The following FBXO47 variants were observed in gnomAD, a reference collection of about 807,000 sequenced individuals.
FBXO47 encodes F-box only protein 47.
FBXO47 carries 34 observed loss-of-function variants against 53.9 expected under a neutral mutation model. The ratio of observed to expected loss-of-function variants is 0.63; its 90% CI spans 0.48 to 0.84. The LOEUF is 0.84. Ranked by LOEUF, FBXO47 falls within the 40% of genes least tolerant of loss-of-function variation. FBXO47 has a pLI of 0.00. For missense variants in FBXO47, 485 were observed against 541.3 expected (o/e 0.90, Z 1.03); for synonymous variants, 165 against 181.6 (o/e 0.91, Z 0.73).
chr17:38,946,917 CATATATAAACATATAAAT>C (rs1199149410), intron 6 of FBXO47, among the ~76,000 whole-genome samples: 9 of 101,770 alleles, frequency 8.8e-5, no homozygotes, highest in East Asian at 2.7e-4. Context: ...TATATATAAA[CATATATAAACATATAAAT>C]ATATATAAAC....
At chr17:38,944,091 A>G (rs1377774383) in intron 7 of FBXO47, among the ~76,000 whole-genome samples, 3 of 151,978 alleles carry the variant, frequency 2.0e-5, no homozygotes, top group Non-Finnish European at 2.9e-5. Flanking sequence ...CTGAGGCACG[A>G]GAATCGCTTG....
intron 3 of FBXO47, among the ~76,000 whole-genome samples, chr17:38,958,354 T>C (rs1343031807): frequency 6.6e-6 from 1 of 152,114 alleles, no homozygotes. Context: ...AGATTTTTTT[T>C]TTCCCCACAG....
Position 38,956,544 on chromosome 17 carries a change from T to C in FBXO47, c.429+633A>G, listed in dbSNP as rs1598147194. ...TGGAGGTTGCAGTGAGCCAAGATCA[T>C]GCTGCTGCACTCCAGCCTGGGTGAC... On this transcript the variant is annotated intron_variant, in intron 4 of 10. Transcript: ENST00000378079. Among the ~76,000 whole-genome samples the C allele has an allele frequency of 4.7e-5, 7 of 149,048 alleles. No homozygotes were observed. In the South Asian group the frequency reaches 1.5e-3, roughly 32 times the overall value.
chr17:38,946,121 AAT>A lies in FBXO47; in HGVS notation c.617-987_617-986del, dbSNP rs539904272. On this transcript the variant is annotated intron_variant, in intron 6 of 10. Coordinates refer to ENST00000378079, the MANE Select transcript of FBXO47 (RefSeq NM_001008777.3). Reference sequence around the variant, plus strand: ...ATATTTATATATAAATACATAAATAAATATATATACATATATAAATATATAAA... The same window carrying A: ...ATATTTATATATAAATACATAAATAAATATATACATATATAAATATATAAA... 4.3e-3 allele frequency among the ~76,000 whole-genome samples: 471 copies of A among 110,012 alleles called. 4 individuals are homozygous for A. Among genetic ancestry groups the A allele is most frequent in the Admixed American group, 0.022 (212 of 9,528 alleles). The allele number at this position is 110,012 out of a possible 152,430, so 72.2% of individuals were successfully genotyped here.
intron 3 of FBXO47, among the ~76,000 whole-genome samples, chr17:38,959,579 CAA>C (rs749435702): frequency 5.0e-3 from 139 of 27,840 alleles, no homozygotes; most frequent in African/African-American, 0.015. Flanking sequence ...GACTCTGCCT[CAA>C]AAAAAAAAAA....
At position 38,962,898 on chromosome 17, in the gene FBXO47, T is replaced by A. The variant is rs747339630; in HGVS notation, c.128A>T (p.Asn43Ile). ...TATTTCCAATGGTAAGGCTTTAAAA[T>A]TTCCAAATGTTGATATGGGTTGAAA... ...SGFQPISTFG[N>I]FKALPLEIFQ... is the part of the protein sequence containing the mutation. Residue 43 changes from asparagine to isoleucine, a missense_variant, in exon 2 of 11, where the codon AAT (asparagine) becomes ATT (isoleucine). By Grantham distance (149) the Asn-to-Ile change is moderately radical (BLOSUM62 -3). Coordinates refer to ENST00000378079, the MANE Select transcript of FBXO47 (RefSeq NM_001008777.3). 6.2e-7 allele frequency: 1 copy of A among 1,613,350 alleles called. No homozygotes were observed. Among genetic ancestry groups the A allele is most frequent in the Admixed American group, 1.7e-5 (1 of 59,922 alleles).
intron 5 of FBXO47, among the ~76,000 whole-genome samples, chr17:38,953,786 G>A (rs1905421506): frequency 6.6e-6 from 1 of 151,964 alleles, no homozygotes; most frequent in Admixed American, 6.6e-5. Context: ...AATTGTACAA[G>A]AATACATACA....
intron 9 of FBXO47, among the ~76,000 whole-genome samples, chr17:38,939,867 C>A (rs953408482): frequency 6.6e-6 from 1 of 150,542 alleles, no homozygotes; most frequent in Non-Finnish European, 1.5e-5. Flanking sequence ...CGGGGTTTCA[C>A]CTTGTTAGCC....
chr17:38,950,505 G>A (rs1380605028), intron 6 of FBXO47, among the ~76,000 whole-genome samples: 5 of 132,992 alleles, frequency 3.8e-5, no homozygotes, highest in African/African-American at 5.7e-5. Context: ...TTGCTATGTC[G>A]CCCAGGCTGG....
intron 1 of FBXO47, among the ~76,000 whole-genome samples, chr17:38,964,310 A>G (rs1905977574): frequency 6.6e-6 from 1 of 151,864 alleles, no homozygotes; most frequent in Non-Finnish European, 1.5e-5. Flanking sequence ...AAATACAAAA[A>G]TTAGGCTGGG....
intron 3 of FBXO47, among the ~76,000 whole-genome samples, chr17:38,958,050 C>T (rs1362598472): frequency 4.6e-5 from 7 of 152,078 alleles, no homozygotes; most frequent in South Asian, 2.1e-4. Context: ...AGGATGGTCT[C>T]GATCTCTTGA....
At position 38,962,801 on chromosome 17, in the gene FBXO47, C is replaced by T. The variant is rs537121357; in HGVS notation, c.181+44G>A. 5.7e-6 allele frequency: 8 copies of T among 1,398,904 alleles called. No individual in the cohort carries two copies. The Admixed American group carries it at 1.0e-4, about 18-fold the overall frequency. 86.7% of individuals were successfully genotyped at this position (1,398,904 alleles called of 1,614,324 possible). On this transcript the variant is annotated intron_variant, in intron 2 of 10. Transcript: ENST00000378079. ...CTAGTTCTTGGGAAAAATTAAAATA[C>T]TCTAGTGTCTTGTGTAGGCTATTCA...
At chr17:38,940,207 T>A (rs971852965) in intron 9 of FBXO47, among the ~76,000 whole-genome samples, 1 of 151,850 alleles carries the variant, frequency 6.6e-6, no homozygotes, top group African/African-American at 2.4e-5. Flanking sequence ...ACTCCACACA[T>A]ACAGTGGCTT....
chr17:38,954,729 CTTTAT>C (rs1905465199), intron 5 of FBXO47, 122 bp downstream of exon 5: 3 of 545,172 alleles, frequency 5.5e-6, no homozygotes, highest in African/African-American at 2.0e-5. Context: ...ATTCTCAAAT[CTTTAT>C]TTTATTTTGC....
At chr17:38,963,790 TG>T (rs1271327048) in intron 1 of FBXO47, among the ~76,000 whole-genome samples, 3 of 142,440 alleles carry the variant, frequency 2.1e-5, no homozygotes, top group African/African-American at 5.1e-5. Flanking sequence ...TTGTTGTTGT[TG>T]TTGTTTTGTT....
chr17:38,966,065 C>G (rs1302414178), intron 1 of FBXO47, among the ~76,000 whole-genome samples: 1 of 151,954 alleles, frequency 6.6e-6, no homozygotes, highest in Admixed American at 6.6e-5. Context: ...CTGCTTTTTT[C>G]AATGAATTCT....
At chr17:38,946,352 A>ATC (rs1491186537) in intron 6 of FBXO47, among the ~76,000 whole-genome samples, 1 of 87,474 alleles carries the variant, frequency 1.1e-5, no homozygotes, top group South Asian at 3.8e-4. Flanking sequence ...AAATATATAA[A>ATC]TATATATAAA....
At chr17:38,946,429 AAT>A (rs1491244577) in intron 6 of FBXO47, among the ~76,000 whole-genome samples, 1 of 66,388 alleles carries the variant, frequency 1.5e-5, no homozygotes, top group Non-Finnish European at 2.5e-5. Context: ...TAACTATATA[AAT>A]ATATATGAAT....
chr17:38,957,137 G>T, intron 4 of FBXO47, 40 bp downstream of exon 4: 1 of 1,265,570 alleles, frequency 7.9e-7, no homozygotes, highest in Non-Finnish European at 1.1e-6. Context: ...ATCTTTACTG[G>T]AAATCAAGAT....
Sources: gnomAD v4.1 joint callset for allele counts (sites outside exome capture counted in the v4.1 genomes callset) on GRCh38, gnomAD v4.1.1 for gene constraint, MANE v1.5 for transcripts, NCBI Gene and HGNC (gene_info 2026-07-23, HGNC 2026-07-21) for gene names.